Variants in YWHAE observed in about 807,000 individuals in gnomAD.
YWHAE encodes the protein 14-3-3 protein epsilon.
A neutral mutation model predicts 30.1 loss-of-function variants in YWHAE; 4 were observed. The observed-to-expected ratio is 0.13, with a 90% CI of 0.07 to 0.30. The LOEUF (loss-of-function observed/expected upper bound fraction) is 0.30. Ranked by LOEUF, YWHAE falls within the 10% of genes least tolerant of loss-of-function variation. YWHAE has a pLI of 1.00. For missense variants in YWHAE, 121 were observed against 315.9 expected (o/e 0.38, Z 4.68); for synonymous variants, 118 against 111.8 (o/e 1.06, Z -0.35).
intron 1 of YWHAE, among the ~76,000 whole-genome samples, chr17:1,391,608 GCATTAA>G (rs2073390385): frequency 2.0e-5 from 3 of 152,154 alleles, no homozygotes; most frequent in Non-Finnish European, 4.4e-5. Flanking sequence ...GCCATGACTA[GCATTAA>G]CATTTAGTCA....
Position 1,374,554 on chromosome 17 carries a change from G to A in YWHAE, c.65-9496C>T, listed in dbSNP as rs73976216. On this transcript the variant is annotated intron_variant, in intron 1 of 5. Coordinates refer to ENST00000264335, the MANE Select transcript of YWHAE (RefSeq NM_006761.5). The stretch of plus-strand genomic sequence containing the variant: ...CGGCACCGTTTTTACACTCCCACCA[G>A]CAACACAGGATTCTAATCTGGCCAC... Among the ~76,000 whole-genome samples the A allele has an allele frequency of 1.7e-3, 258 of 152,146 alleles. 1 individual carries two copies. The highest frequency in any genetic ancestry group is 5.3e-3 in the African/African-American group (221 of 41,530).
intron 1 of YWHAE, among the ~76,000 whole-genome samples, chr17:1,383,853 G>GA (rs1230219692): frequency 1.3e-5 from 2 of 152,056 alleles, no homozygotes; most frequent in East Asian, 3.9e-4. Context: ...CTGAGCCCAA[G>GA]AGTTCAAGAC....
At chr17:1,348,963 T>G (rs551460892) in intron 5 of YWHAE, among the ~76,000 whole-genome samples, 1 of 148,272 alleles carries the variant, frequency 6.7e-6, no homozygotes, top group East Asian at 2.0e-4. Context: ...GAGGCGGAGT[T>G]TGCAGTGAGC....
intron 5 of YWHAE, among the ~76,000 whole-genome samples, chr17:1,349,121 T>C (rs2072575077): frequency 6.6e-6 from 1 of 151,350 alleles, no homozygotes; most frequent in Non-Finnish European, 1.5e-5. Flanking sequence ...GGCAGGTGGA[T>C]CACGAGGTTA....
In YWHAE at chr17:1,379,411, G is replaced by A. The variant is rs34827926; in HGVS notation, c.65-14353C>T. Among the ~76,000 whole-genome samples the A allele has an allele frequency of 7.5e-3, 1,140 of 152,276 alleles. 7 individuals are homozygous for A. Among genetic ancestry groups the A allele is most frequent in the Non-Finnish European group, 0.012 (820 of 68,016 alleles). On this transcript the variant is annotated intron_variant, in intron 1 of 5. Transcript: ENST00000264335. The stretch of plus-strand genomic sequence containing the variant: ...GAGGTGGGTGGATCAACTGAGCCCA[G>A]GAAGTCAAGGCTGCAATGAGCTGTG...
intron 4 of YWHAE, among the ~76,000 whole-genome samples, chr17:1,360,762 T>A (rs2072851710): frequency 6.6e-6 from 1 of 152,030 alleles, no homozygotes; most frequent in Non-Finnish European, 1.5e-5. Flanking sequence ...TGAGACATGG[T>A]CTCAAATTTA....
intron 1 of YWHAE, among the ~76,000 whole-genome samples, chr17:1,380,616 CAAA>C (rs2073192375): frequency 6.6e-6 from 1 of 151,984 alleles, no homozygotes; most frequent in South Asian, 2.1e-4. Flanking sequence ...GATTAAATAA[CAAA>C]AAAACAAAAC....
intron 4 of YWHAE, among the ~76,000 whole-genome samples, chr17:1,358,676 A>C (rs1227986470): frequency 2.0e-5 from 3 of 152,004 alleles, no homozygotes; most frequent in African/African-American, 4.8e-5. Context: ...AAATGCCCCC[A>C]AAAATTAGCC....
chr17:1,353,237 G>A (rs1242094663), intron 5 of YWHAE, among the ~76,000 whole-genome samples: 1 of 150,328 alleles, frequency 6.7e-6, no homozygotes, highest in South Asian at 2.1e-4. Flanking sequence ...AGGAGATCGA[G>A]GCCAACCTGG....
At chr17:1,380,111 CTT>C (rs34413137) in intron 1 of YWHAE, among the ~76,000 whole-genome samples, 62,016 of 121,226 alleles carry the variant, frequency 0.51, 15,562 homozygotes, top group African/African-American at 0.72. Flanking sequence ...GAAGACTAGA[CTT>C]TTTTTTTTTT....
Position 1,375,904 on chromosome 17 carries a change from T to G in YWHAE, c.65-10846A>C, listed in dbSNP as rs761789366. Reference sequence around the variant, plus strand: ...AATAAAACACCCCATTTCAACTATGTTGTTCATTCAACAGACTTATTCACA... The same window carrying G: ...AATAAAACACCCCATTTCAACTATGGTGTTCATTCAACAGACTTATTCACA... On this transcript the variant is annotated intron_variant, in intron 1 of 5. Coordinates refer to ENST00000264335, the MANE Select transcript of YWHAE (RefSeq NM_006761.5). Among the ~76,000 whole-genome samples the G allele has an allele frequency of 7.2e-4, 110 of 152,328 alleles. 1 individual carries two copies. Among genetic ancestry groups the G allele is most frequent in the Non-Finnish European group, 1.4e-3 (98 of 68,038 alleles).
rs140113281 is a variant in YWHAE, at chr17:1,364,653, G to A, written c.264+206C>T. The stretch of plus-strand genomic sequence containing the variant: ...TGAAACCATGGAAAATACCAAACCT[G>A]ATACAGACTATGTTTTGTCCTCATG... On this transcript the variant is annotated intron_variant, in intron 2 of 5. Coordinates refer to ENST00000264335, the MANE Select transcript of YWHAE (RefSeq NM_006761.5). The A allele has an allele frequency of 8.6e-3, 5,382 of 628,156 alleles. 31 individuals are homozygous for A. The highest frequency in any genetic ancestry group is 0.011 in the Non-Finnish European group (3,926 of 368,944). 38.9% of individuals were successfully genotyped at this position (628,156 alleles called of 1,614,324 possible).
In YWHAE at chr17:1,344,766, T is replaced by C. The variant is rs1446266447; in HGVS notation, c.*681A>G. Reference sequence around the variant, plus strand: ...GGGGAAGGAGAAGAAACAAAAGAATTGAACAGGCATGCAGGCTTTTCCATA... The same window carrying C: ...GGGGAAGGAGAAGAAACAAAAGAATCGAACAGGCATGCAGGCTTTTCCATA... On this transcript the variant is annotated 3_prime_UTR_variant, in exon 6 of 6. Coordinates refer to ENST00000264335, the MANE Select transcript of YWHAE (RefSeq NM_006761.5). The C allele has an allele frequency of 4.3e-6, 1 of 233,026 alleles. No individual in the cohort carries two copies. The highest frequency in any genetic ancestry group is 6.1e-5 in the East Asian group (1 of 16,504). 14.4% of individuals were successfully genotyped at this position (233,026 alleles called of 1,614,324 possible). A position where few individuals can be genotyped will look rare whatever the true frequency, so the allele number is the denominator to read the frequency against.
chr17:1,350,856 G>C (rs1182048308), intron 5 of YWHAE, among the ~76,000 whole-genome samples: 1 of 151,734 alleles, frequency 6.6e-6, no homozygotes, highest in Non-Finnish European at 1.5e-5. Context: ...TCAGGAGTTA[G>C]AGACCAGCCT....
chr17:1,383,001 G>A (rs1462395096), intron 1 of YWHAE, among the ~76,000 whole-genome samples: 1 of 150,846 alleles, frequency 6.6e-6, no homozygotes, highest in Non-Finnish European at 1.5e-5. Flanking sequence ...CTCCAGCCCA[G>A]GTGACAAAGC....
At chr17:1,397,067 T>A (rs959000374) in intron 1 of YWHAE, among the ~76,000 whole-genome samples, 2 of 151,706 alleles carry the variant, frequency 1.3e-5, no homozygotes, top group African/African-American at 4.8e-5. Flanking sequence ...GCCCGGATAA[T>A]TTTTTTATTT....
At chr17:1,374,198 A>G (rs564475983) in intron 1 of YWHAE, among the ~76,000 whole-genome samples, 1 of 151,480 alleles carries the variant, frequency 6.6e-6, no homozygotes, top group Non-Finnish European at 1.5e-5. Flanking sequence ...AATGTCTGTA[A>G]TCCCAGCTAC....
chr17:1,400,079 G>A lies in YWHAE; in HGVS notation c.32C>T (p.Ala11Val), dbSNP rs777592060. 6 of 1,613,678 alleles carry A rather than the reference G, an allele frequency of 3.7e-6. No homozygotes were observed. Among genetic ancestry groups the A allele is most frequent in the Non-Finnish European group, 5.1e-6 (6 of 1,179,956 alleles). Residue 11 changes from alanine (A) to valine (V), a missense_variant, in exon 1 of 6, where the codon GCG (alanine) becomes GTG (valine). Around this residue, in one of 2 missense-constraint regions of YWHAE, gnomAD observed 99 missense variants for 289.3 expected, o/e 0.34. Coordinates refer to ENST00000264335, the MANE Select transcript of YWHAE (RefSeq NM_006761.5). MDDREDLVYQAKLAEQAERYD... is the reference protein window; with the variant it reads MDDREDLVYQVKLAEQAERYD... ...TCGCTCAGCCTGCTCGGCCAGCTTC[G>A]CCTGGTACACCAGATCCTCTCGATC...
intron 1 of YWHAE, among the ~76,000 whole-genome samples, chr17:1,398,336 C>CT (rs2073505739): frequency 4.5e-5 from 4 of 88,148 alleles, no homozygotes; most frequent in South Asian, 4.0e-4. Flanking sequence ...CCATCTTATC[C>CT]CCCCCCCCAA....
Sources: allele counts gnomAD v4.1 joint callset (sites outside exome capture counted in the v4.1 genomes callset), GRCh38; gene constraint gnomAD v4.1.1; regional missense constraint gnomAD v4.1.1; transcripts MANE v1.5; gene names NCBI Gene and HGNC (gene_info 2026-07-23, HGNC 2026-07-21).